Variants in MARCHF1 observed in about 807,000 individuals in gnomAD.
The protein encoded by MARCHF1 is membrane associated ring-CH-type finger 1, also known as E3 ubiquitin-protein ligase MARCHF1.
A neutral mutation model predicts 54.2 loss-of-function variants in MARCHF1; 40 were observed. The observed-to-expected ratio is 0.74, with a 90% confidence interval of 0.57 to 0.96. The LOEUF (loss-of-function observed/expected upper bound fraction) is 0.96, where lower values mean the gene tolerates loss of function less well. MARCHF1 is among the 40% of genes least tolerant of loss of function. The pLI is 0.00. For synonymous variants in MARCHF1, 236 were observed against 236.3 expected (o/e 1.00, Z 0.01); for missense variants, 586 against 656.5 (o/e 0.89, Z 1.17).
At chr4:163,943,216 C>T (rs1479596850) in intron 3 of MARCHF1, among the ~76,000 whole-genome samples, 2 of 152,082 alleles carry the variant, frequency 1.3e-5, no homozygotes, top group Non-Finnish European at 2.9e-5. Flanking sequence ...TCAATTTTGG[C>T]TTTTGTTGCA....
At chr4:164,047,867 T>C (rs1754275206) in intron 2 of MARCHF1, among the ~76,000 whole-genome samples, 1 of 152,196 alleles carries the variant, frequency 6.6e-6, no homozygotes, top group South Asian at 2.1e-4. Flanking sequence ...TATTTGTAAT[T>C]ATATTTTCTC....
In MARCHF1 at chr4:164,017,338, A is replaced by G. The variant is rs1464658797; in HGVS notation, c.-247-28629T>C. Among the ~76,000 whole-genome samples, 3 of 152,076 alleles carry G rather than the reference A, an allele frequency of 2.0e-5. No homozygotes were observed. In the East Asian group the frequency reaches 5.8e-4, roughly 29 times the overall value. ...TCAATAAGGCAAGAAAGGAAGTAAA[A>G]GCTATGCTGAATGTTAAAAGAAAAG... On this transcript the variant is annotated intron_variant, in intron 2 of 9. Coordinates refer to ENST00000514618, the MANE Select transcript of MARCHF1 (RefSeq NM_001394959.1).
At chr4:164,002,904 G>T (rs1240395615) in intron 2 of MARCHF1, among the ~76,000 whole-genome samples, 3 of 151,702 alleles carry the variant, frequency 2.0e-5, no homozygotes, top group East Asian at 3.9e-4. Flanking sequence ...AAGCCTGTCA[G>T]GTATGAATTA....
intron 1 of MARCHF1, among the ~76,000 whole-genome samples, chr4:164,299,817 A>G (rs1734504356): frequency 6.6e-6 from 1 of 152,104 alleles, no homozygotes. Context: ...AAAACAGGTA[A>G]CTTTTATGTT....
intron 1 of MARCHF1, among the ~76,000 whole-genome samples, chr4:164,141,642 G>A (rs1268789624): frequency 1.3e-5 from 2 of 152,216 alleles, no homozygotes; most frequent in Non-Finnish European, 2.9e-5. Flanking sequence ...GCAAGCTTTG[G>A]GGAAAATGGC....
intron 5 of MARCHF1, among the ~76,000 whole-genome samples, chr4:163,623,438 T>C (rs952468270): frequency 3.3e-5 from 5 of 152,210 alleles, no homozygotes; most frequent in Admixed American, 3.3e-4. Flanking sequence ...ACTAATGTTA[T>C]GGTGAAAATG....
intron 2 of MARCHF1, among the ~76,000 whole-genome samples, chr4:164,061,525 C>G (rs1189731100): frequency 1.7e-5 from 1 of 59,282 alleles, no homozygotes; most frequent in Non-Finnish European, 3.4e-5. Flanking sequence ...ACTCTGGGGA[C>G]TGTTGTGGGG....
In MARCHF1 at chr4:163,597,770, T is replaced by C. The variant is rs150431193; in HGVS notation, c.1011-11841A>G. 5.1e-3 allele frequency among the ~76,000 whole-genome samples: 782 copies of C among 152,340 alleles called. 6 individuals are homozygous for C. Among genetic ancestry groups the C allele is most frequent in the Middle Eastern group, 0.041 (12 of 294 alleles). The stretch of plus-strand genomic sequence containing the variant: ...AACAATTTGGAAACATGCCATGAGT[T>C]ATCAGTAGATACTGAGTTGTGTCTA... On this transcript the variant is annotated intron_variant, in intron 7 of 9. Coordinates refer to ENST00000514618, the MANE Select transcript of MARCHF1 (RefSeq NM_001394959.1).
chr4:163,775,711 G>A (rs1257439907), intron 4 of MARCHF1, among the ~76,000 whole-genome samples: 2 of 152,082 alleles, frequency 1.3e-5, no homozygotes, highest in African/African-American at 2.4e-5. Flanking sequence ...ATTAGGAAAA[G>A]TGCTTAGTTT....
chr4:164,002,188 G>A (rs1753198180), intron 2 of MARCHF1, among the ~76,000 whole-genome samples: 1 of 151,518 alleles, frequency 6.6e-6, no homozygotes, highest in Admixed American at 6.6e-5. Context: ...ATCTGGCATT[G>A]AATAAGACAT....
At chr4:163,967,255 A>C (rs1221567526) in intron 3 of MARCHF1, among the ~76,000 whole-genome samples, 1 of 152,146 alleles carries the variant, frequency 6.6e-6, no homozygotes, top group Non-Finnish European at 1.5e-5. Context: ...TCTTTCACTA[A>C]TTTAACTTGT....
intron 2 of MARCHF1, among the ~76,000 whole-genome samples, chr4:164,039,872 A>G (rs1043516096): frequency 6.6e-5 from 10 of 151,422 alleles, no homozygotes; most frequent in African/African-American, 2.4e-4. Flanking sequence ...CATCAGTTCT[A>G]CCTTATGACA....
At chr4:163,775,808 C>T (rs1401760044) in intron 4 of MARCHF1, among the ~76,000 whole-genome samples, 2 of 151,980 alleles carry the variant, frequency 1.3e-5, no homozygotes, top group South Asian at 4.2e-4. Context: ...AAAGAGCAGA[C>T]CAGAAATGTG....
At chr4:163,710,930 T>C (rs1055166937) in intron 4 of MARCHF1, among the ~76,000 whole-genome samples, 2 of 152,108 alleles carry the variant, frequency 1.3e-5, no homozygotes, top group African/African-American at 4.8e-5. Context: ...TAACACTTGT[T>C]GAACCTTTAT....
intron 7 of MARCHF1, among the ~76,000 whole-genome samples, chr4:163,611,591 T>C (rs969007609): frequency 6.6e-6 from 1 of 152,136 alleles, no homozygotes; most frequent in African/African-American, 2.4e-5. Flanking sequence ...CCTATAATTC[T>C]TTTTATGTAA....
In MARCHF1 at chr4:163,534,831, C is replaced by A. The variant is rs565052045; in HGVS notation, c.1340-5785G>T. Among the ~76,000 whole-genome samples, 6 of 151,886 alleles carry A rather than the reference C, an allele frequency of 4.0e-5. No homozygotes were observed. The East Asian group carries it at 9.7e-4, about 25-fold the overall frequency. On this transcript the variant is annotated intron_variant, in intron 9 of 9. Coordinates refer to ENST00000514618, the MANE Select transcript of MARCHF1 (RefSeq NM_001394959.1). Reference sequence around the variant, plus strand: ...TTTATTTATACAAATGCATTTGCAACGAACACGTGTTCGATAATAGCACTG... The same window carrying A: ...TTTATTTATACAAATGCATTTGCAAAGAACACGTGTTCGATAATAGCACTG...
chr4:163,811,782 A>T (rs919110004), intron 4 of MARCHF1, among the ~76,000 whole-genome samples: 1 of 152,182 alleles, frequency 6.6e-6, no homozygotes, highest in South Asian at 2.1e-4. Context: ...GGTTACATAG[A>T]TTATATCATT....
At chr4:163,678,625 G>A (rs1021046357) in intron 5 of MARCHF1, among the ~76,000 whole-genome samples, 2 of 152,120 alleles carry the variant, frequency 1.3e-5, no homozygotes, top group South Asian at 2.1e-4. Context: ...TAAGCTATTT[G>A]TGTGAGTTAT....
chr4:164,013,257 T>TAA (rs1375428229), intron 2 of MARCHF1, among the ~76,000 whole-genome samples: 4 of 151,818 alleles, frequency 2.6e-5, no homozygotes, highest in African/African-American at 9.7e-5. Flanking sequence ...TTGAGAAACA[T>TAA]AAAAATGCAT....
Sources: gnomAD v4.1 joint callset for allele counts (sites outside exome capture counted in the v4.1 genomes callset) on GRCh38, gnomAD v4.1.1 for gene constraint, MANE v1.5 for transcripts, NCBI Gene and HGNC (gene_info 2026-07-23, HGNC 2026-07-21) for gene names.